Variants in TIAM1 observed in about 807,000 individuals in gnomAD.
The protein encoded by TIAM1 is TIAM Rac1 associated GEF 1, also known as rho guanine nucleotide exchange factor TIAM1.
Under a neutral mutation model 163.5 loss-of-function variants are expected in TIAM1, and 65 were observed. The ratio of observed to expected loss-of-function variants is 0.40; its 90% CI spans 0.33 to 0.49. The LOEUF is 0.49. Ranked by LOEUF, TIAM1 falls within the 20% of genes least tolerant of loss-of-function variation. TIAM1 has a pLI of 0.77. For missense variants in TIAM1, 1,789 were observed against 2,044.7 expected (o/e 0.87, Z 2.41); for synonymous variants, 833 against 810.1 (o/e 1.03, Z -0.48).
At chr21:31,523,242 T>G (rs1418440124) in intron 1 of TIAM1, among the ~76,000 whole-genome samples, 2 of 152,232 alleles carry the variant, frequency 1.3e-5, no homozygotes, top group East Asian at 3.8e-4. Context: ...CCCTGAAATT[T>G]TACTGGGTGC....
chr21:31,235,698 T>C (rs1382443654), intron 6 of TIAM1, among the ~76,000 whole-genome samples: 1 of 152,248 alleles, frequency 6.6e-6, no homozygotes. Flanking sequence ...ACTATGCTGA[T>C]ATTGATTTAA....
chr21:31,539,705 G>A (rs1036207197), intron 1 of TIAM1, among the ~76,000 whole-genome samples: 6 of 152,204 alleles, frequency 3.9e-5, no homozygotes, highest in African/African-American at 1.2e-4. Context: ...GAATTCAGGG[G>A]AGGGTGAGAA....
chr21:31,147,785 A>T (rs1006712840), intron 19 of TIAM1, among the ~76,000 whole-genome samples: 4 of 130,838 alleles, frequency 3.1e-5, no homozygotes, highest in African/African-American at 8.7e-5. Context: ...ATATTATATT[A>T]AAATATATAT....
intron 4 of TIAM1, among the ~76,000 whole-genome samples, chr21:31,252,872 TC>T (rs1376943993): frequency 6.6e-6 from 1 of 152,200 alleles, no homozygotes; most frequent in African/African-American, 2.4e-5. Context: ...GGCCTACAGC[TC>T]CATTGAGCTC....
chr21:31,178,447 C>T (rs960413520), intron 15 of TIAM1, among the ~76,000 whole-genome samples: 2 of 151,416 alleles, frequency 1.3e-5, no homozygotes, highest in African/African-American at 4.9e-5. Context: ...GCTGGGACTA[C>T]AGGCACCCGC....
chr21:31,263,060 C>T (rs573138477), intron 4 of TIAM1, among the ~76,000 whole-genome samples: 4 of 152,276 alleles, frequency 2.6e-5, no homozygotes, highest in Admixed American at 2.0e-4. Context: ...TGGATGAACA[C>T]GCCAAACTTA....
At chr21:31,521,244 G>A (rs1317688524) in intron 1 of TIAM1, among the ~76,000 whole-genome samples, 2 of 152,130 alleles carry the variant, frequency 1.3e-5, no homozygotes, top group Non-Finnish European at 2.9e-5. Flanking sequence ...GGAAATGACC[G>A]GAGAGCTGGC....
intron 4 of TIAM1, among the ~76,000 whole-genome samples, chr21:31,260,879 T>C (rs2072431011): frequency 6.6e-6 from 1 of 152,054 alleles, no homozygotes; most frequent in African/African-American, 2.4e-5. Flanking sequence ...TGCAGAAGGG[T>C]GGTCCCTGTC....
intron 1 of TIAM1, among the ~76,000 whole-genome samples, chr21:31,494,964 C>A (rs1161508543): frequency 6.6e-6 from 1 of 152,184 alleles, no homozygotes; most frequent in Non-Finnish European, 1.5e-5. Context: ...TGTCCTCATT[C>A]TTCAGGCCAC....
chr21:31,539,152 C>G (rs2048236971), intron 1 of TIAM1, among the ~76,000 whole-genome samples: 1 of 152,108 alleles, frequency 6.6e-6, no homozygotes, highest in African/African-American at 2.4e-5. Context: ...CATTAAATCT[C>G]TCAACAGGAA....
At chr21:31,529,219 G>A (rs894227514) in intron 1 of TIAM1, among the ~76,000 whole-genome samples, 6 of 151,740 alleles carry the variant, frequency 4.0e-5, no homozygotes, top group African/African-American at 7.3e-5. Context: ...GCGCCCAGCC[G>A]AAATGTCTTT....
intron 3 of TIAM1, among the ~76,000 whole-genome samples, chr21:31,269,059 G>A (rs1333146045): frequency 6.6e-6 from 1 of 152,164 alleles, no homozygotes; most frequent in Non-Finnish European, 1.5e-5. Context: ...AATATGCTAA[G>A]ATTTACCCTC....
chr21:31,504,592 A>G (rs928675556), intron 1 of TIAM1, among the ~76,000 whole-genome samples: 16 of 151,576 alleles, frequency 1.1e-4, no homozygotes, highest in Non-Finnish European at 2.2e-4. Context: ...TAAAGCTCCT[A>G]CTTCCCAGTT....
chr21:31,155,630 G>A (rs1020396643), intron 16 of TIAM1, among the ~76,000 whole-genome samples: 11 of 151,956 alleles, frequency 7.2e-5, no homozygotes, highest in African/African-American at 2.2e-4. Flanking sequence ...TCAGCCTCCC[G>A]AGCAGCTGGG....
At chr21:31,354,694 C>T (rs920652364) in intron 2 of TIAM1, among the ~76,000 whole-genome samples, 3 of 152,182 alleles carry the variant, frequency 2.0e-5, no homozygotes, top group African/African-American at 7.2e-5. Flanking sequence ...CAGTTCCTGG[C>T]ACAGGCACCA....
At chr21:31,412,392 G>C (rs139495828) in intron 2 of TIAM1, among the ~76,000 whole-genome samples, 3 of 152,088 alleles carry the variant, frequency 2.0e-5, no homozygotes, top group African/African-American at 7.2e-5. Flanking sequence ...ACCAGGGACC[G>C]GTTTCATGGA....
In TIAM1 at chr21:31,120,441, C is replaced by T. The variant is rs777420304; in HGVS notation, c.4703G>A (p.Ser1568Asn). 1.7e-5 allele frequency: 27 copies of T among 1,614,224 alleles called. No individual in the cohort carries two copies. Among genetic ancestry groups the T allele is most frequent in the Non-Finnish European group, 2.2e-5 (26 of 1,180,046 alleles). ...AACCCAAATGACTTCCTCGCTTGCG[C>T]TCTCCAGGCCTCCATTGATCCCCGA... ...ALSGINGGLE[S>N]ASEEVIWVRR... The change falls in exon 28 of 28, where the codon AGC (serine) becomes AAC (asparagine). Residue 1568 changes from serine to asparagine, a missense_variant. Around this residue, in one of 5 missense-constraint regions of TIAM1, gnomAD observed 415 missense variants for 439.2 expected, o/e 0.94. Coordinates refer to ENST00000541036, the MANE Select transcript of TIAM1 (RefSeq NM_001353694.2). This position sits in a 1 kb window ranked among gnomAD's most constrained non-coding sequence, Gnocchi z 4.2.
chr21:31,128,181 T>C (rs1460987581), intron 25 of TIAM1, among the ~76,000 whole-genome samples: 4 of 152,204 alleles, frequency 2.6e-5, no homozygotes, highest in Non-Finnish European at 4.4e-5. Context: ...TTGCATGATT[T>C]AACCCTAACC....
chr21:31,141,525 G>T lies in TIAM1; in HGVS notation c.3476-21C>A, dbSNP rs754656363. 4.3e-6 allele frequency: 7 copies of T among 1,610,314 alleles called. No individual in the cohort carries two copies. In the Admixed American group the frequency reaches 1.2e-4, roughly 27 times the overall value. ...CTTGGCTGGCAGGGTTTAAACACAG[G>T]TCATGGGGGTGGAACGCCCACGTGA... On this transcript the variant is annotated intron_variant, in intron 20 of 27. Transcript: ENST00000541036. This position sits in a 1 kb window ranked among gnomAD's most constrained non-coding sequence, Gnocchi z 4.7.
Sources: allele counts gnomAD v4.1 joint callset (sites outside exome capture counted in the v4.1 genomes callset), GRCh38; gene constraint gnomAD v4.1.1; regional missense constraint gnomAD v4.1.1; non-coding constraint Gnocchi (gnomAD v3.1); transcripts MANE v1.5; gene names NCBI Gene and HGNC (gene_info 2026-07-23, HGNC 2026-07-21).